Variants in AFG2A observed in about 807,000 individuals in gnomAD.
AFG2A encodes AAA ATPase AFG2A.
At chr4:123,136,598 C>T in the AFG2A span, among the ~76,000 whole-genome samples, 16 of 151,642 alleles carry the variant, frequency 1.1e-4, no homozygotes, top group African/African-American at 3.6e-4. Flanking sequence ...GGCGTGAACA[C>T]GAGAGGTGGA....
At chr4:123,014,393 ATG>A in the AFG2A span, among the ~76,000 whole-genome samples, 1 of 151,954 alleles carries the variant, frequency 6.6e-6, no homozygotes, top group African/African-American at 2.4e-5. Context: ...TCCATTTTTT[ATG>A]AGTTTTTTTT....
the AFG2A span, among the ~76,000 whole-genome samples, chr4:122,968,117 T>G: frequency 6.6e-6 from 1 of 152,162 alleles, no homozygotes; most frequent in African/African-American, 2.4e-5. Context: ...TGTGGTACCT[T>G]TGTTATAATT....
chr4:123,094,439 G>A, the AFG2A span, among the ~76,000 whole-genome samples: 1 of 152,090 alleles, frequency 6.6e-6, no homozygotes, highest in Admixed American at 6.6e-5. Flanking sequence ...AGGCCAGAGA[G>A]GAATGGAGGT....
the AFG2A span, among the ~76,000 whole-genome samples, chr4:123,302,928 C>T: frequency 6.6e-6 from 1 of 152,112 alleles, no homozygotes; most frequent in Admixed American, 6.5e-5. Context: ...GAAAGCAAGA[C>T]TGTTTTTTTA....
the AFG2A span, among the ~76,000 whole-genome samples, chr4:123,230,617 CT>C: frequency 3.2e-4 from 48 of 152,036 alleles, no homozygotes; most frequent in African/African-American, 1.0e-3. Context: ...ACCTTCTCCC[CT>C]GAGTCATGAA....
At chr4:123,217,364 G>A in the AFG2A span, among the ~76,000 whole-genome samples, 2 of 152,172 alleles carry the variant, frequency 1.3e-5, no homozygotes. Context: ...TAGAAGAGAA[G>A]TTAGCATGAT....
chr4:123,092,550 C>T, the AFG2A span, among the ~76,000 whole-genome samples: 7 of 152,074 alleles, frequency 4.6e-5, no homozygotes, highest in African/African-American at 1.2e-4. Context: ...TGTTTTCTTT[C>T]TGTGTAACAA....
chr4:122,946,963 A>G, the AFG2A span, among the ~76,000 whole-genome samples: 1 of 152,128 alleles, frequency 6.6e-6, no homozygotes, highest in African/African-American at 2.4e-5. Context: ...GAGAGATGTC[A>G]TAGTAGATGG....
the AFG2A span, chr4:122,979,519 T>C: frequency 3.9e-6 from 4 of 1,014,734 alleles, no homozygotes; most frequent in African/African-American, 6.6e-5. Context: ...TTTATTGAGA[T>C]AGCTGTAAAT....
chr4:122,952,293 C>T, the AFG2A span, among the ~76,000 whole-genome samples: 1 of 152,188 alleles, frequency 6.6e-6, no homozygotes, highest in East Asian at 1.9e-4. Flanking sequence ...ATCTAGTTCA[C>T]AGGCTGTCTC....
the AFG2A span, among the ~76,000 whole-genome samples, chr4:122,988,664 G>A: frequency 6.6e-6 from 1 of 151,982 alleles, no homozygotes; most frequent in East Asian, 1.9e-4. Context: ...TAAAGTGCTG[G>A]GGTTACAGGC....
the AFG2A span, among the ~76,000 whole-genome samples, chr4:123,264,800 T>C: frequency 6.6e-6 from 1 of 152,158 alleles, no homozygotes; most frequent in Admixed American, 6.5e-5. Flanking sequence ...TTTCATCTTG[T>C]AATAAGGGGA....
At chr4:123,241,697 A>C in the AFG2A span, among the ~76,000 whole-genome samples, 3 of 152,212 alleles carry the variant, frequency 2.0e-5, no homozygotes, top group Admixed American at 2.0e-4. Context: ...CAAAAACTGG[A>C]AGCGTTCCCT....
At chr4:123,197,850 C>T in the AFG2A span, among the ~76,000 whole-genome samples, 3 of 151,990 alleles carry the variant, frequency 2.0e-5, no homozygotes, top group African/African-American at 7.2e-5. Flanking sequence ...GTGTTAAGAA[C>T]TTATAAAAAA....
chr4:123,009,124 C>T, the AFG2A span, among the ~76,000 whole-genome samples: 17 of 152,126 alleles, frequency 1.1e-4, no homozygotes, highest in African/African-American at 1.7e-4. Flanking sequence ...GCATGGGTAA[C>T]GTCCAGAAGA....
chr4:122,979,544 C>T, the AFG2A span, among the ~76,000 whole-genome samples: 553 of 152,244 alleles, frequency 3.6e-3, 4 homozygotes, highest in African/African-American at 0.012. Context: ...TGCAGTTATA[C>T]GAAGTAATGT....
chr4:122,970,082 A>G, the AFG2A span, among the ~76,000 whole-genome samples: 1 of 152,226 alleles, frequency 6.6e-6, no homozygotes, highest in Non-Finnish European at 1.5e-5. Context: ...ACAGTAGAGT[A>G]TAGTAATGTC....
the AFG2A span, among the ~76,000 whole-genome samples, chr4:122,950,985 C>G: frequency 1.3e-5 from 2 of 152,198 alleles, no homozygotes; most frequent in East Asian, 3.9e-4. Context: ...CCCCTATGTC[C>G]TGTCTTCTTT....
the AFG2A span, among the ~76,000 whole-genome samples, chr4:123,173,695 A>G: frequency 6.6e-6 from 1 of 152,144 alleles, no homozygotes; most frequent in Admixed American, 6.5e-5. Context: ...GAAGTTAAGG[A>G]TGGTTTAACA....
Sources: allele counts gnomAD v4.1 joint callset (sites outside exome capture counted in the v4.1 genomes callset), GRCh38; gene constraint gnomAD v4.1.1; transcripts MANE v1.5; gene names NCBI Gene and HGNC (gene_info 2026-07-23, HGNC 2026-07-21).